The following COLEC12 variants were observed in gnomAD, a reference collection of about 807,000 sequenced individuals.
COLEC12 encodes collectin-12.
COLEC12 carries 33 observed loss-of-function variants against 71.1 expected under a neutral mutation model. The observed-to-expected ratio is 0.46, with a 90% CI of 0.35 to 0.62. COLEC12 has a LOEUF of 0.62. COLEC12 is among the 20% of genes least tolerant of loss of function. COLEC12 has a pLI of 0.00. For synonymous variants in COLEC12, 350 were observed against 353.0 expected (o/e 0.99, Z 0.10); for missense variants, 765 against 916.1 (o/e 0.84, Z 2.13).
intron 2 of COLEC12, among the ~76,000 whole-genome samples, chr18:409,570 C>G (rs993456992): frequency 2.7e-4 from 41 of 152,116 alleles, no homozygotes; most frequent in Non-Finnish European, 1.0e-4. Context: ...AGCAAGCATT[C>G]CTATAGAAAG....
intron 2 of COLEC12, among the ~76,000 whole-genome samples, chr18:430,525 C>T (rs1916283729): frequency 6.6e-6 from 1 of 151,898 alleles, no homozygotes; most frequent in Non-Finnish European, 1.5e-5. Flanking sequence ...TTTAAACTTC[C>T]AGTGAATAAA....
chr18:371,901 C>T (rs898192338), intron 2 of COLEC12, among the ~76,000 whole-genome samples: 17 of 152,150 alleles, frequency 1.1e-4, no homozygotes, highest in Admixed American at 6.5e-5. Context: ...CAGCAGTCAT[C>T]GGCACAGCAG....
intron 1 of COLEC12, among the ~76,000 whole-genome samples, chr18:488,136 C>T (rs568265331): frequency 1.3e-5 from 2 of 152,088 alleles, no homozygotes; most frequent in South Asian, 4.2e-4. Flanking sequence ...AAGGGCTGGG[C>T]ACGGTGGCTG....
intron 1 of COLEC12, among the ~76,000 whole-genome samples, chr18:499,025 T>G (rs1917767071): frequency 1.3e-5 from 2 of 152,198 alleles, no homozygotes; most frequent in African/African-American, 4.8e-5. Context: ...ACCACTGGTC[T>G]TAATGACCAG....
intron 2 of COLEC12, among the ~76,000 whole-genome samples, chr18:453,984 CCT>C (rs1916814134): frequency 6.6e-6 from 1 of 152,208 alleles, no homozygotes; most frequent in Admixed American, 6.5e-5. Context: ...GACACCATCA[CCT>C]CTGATTTAGT....
chr18:461,938 T>C (rs1276024206), intron 2 of COLEC12, among the ~76,000 whole-genome samples: 1 of 152,228 alleles, frequency 6.6e-6, no homozygotes, highest in Non-Finnish European at 1.5e-5. Flanking sequence ...GATGTACAGA[T>C]AATGAGATGG....
chr18:347,381 G>A, intron 4 of COLEC12, 40 bp from the exon 5 acceptor site: 1 of 1,555,170 alleles, frequency 6.4e-7, no homozygotes, highest in Non-Finnish European at 8.8e-7. Flanking sequence ...TGGTGGTATG[G>A]AGAAGTGTTC....
intron 2 of COLEC12, among the ~76,000 whole-genome samples, chr18:458,855 A>C (rs2143729446): frequency 6.6e-6 from 1 of 152,328 alleles, no homozygotes; most frequent in South Asian, 2.1e-4. Context: ...CTTCTTTTTG[A>C]GACAGGGTCT....
At chr18:401,112 G>C (rs1338781523) in intron 2 of COLEC12, among the ~76,000 whole-genome samples, 2 of 152,150 alleles carry the variant, frequency 1.3e-5, no homozygotes, top group Non-Finnish European at 2.9e-5. Flanking sequence ...AGAAGGCAAG[G>C]GTGGAGTGGA....
intron 1 of COLEC12, among the ~76,000 whole-genome samples, chr18:496,935 C>T (rs560652840): frequency 1.3e-5 from 2 of 152,222 alleles, no homozygotes; most frequent in African/African-American, 2.4e-5. Context: ...CAGATTCCTT[C>T]GTCAAGAATG....
chr18:500,695 C>T lies in COLEC12; in HGVS notation c.-181G>A. The T allele has an allele frequency of 4.4e-6, 1 of 227,738 alleles. No individual in the cohort carries two copies. Among genetic ancestry groups the T allele is most frequent in the Middle Eastern group, 1.9e-3 (1 of 522 alleles). The allele number at this position is 227,738 out of a possible 1,614,324, so 14.1% of individuals were successfully genotyped here. ...CGCTCCCCGCGCTCCCGGCTCCGCG[C>T]TCTGCTGCCTCGGGGCTGCCGCGCG... On this transcript the variant is annotated 5_prime_UTR_variant, in exon 1 of 10. Coordinates refer to ENST00000400256, the MANE Select transcript of COLEC12 (RefSeq NM_130386.3). The surrounding 1 kb of genome is among the most constrained non-coding windows in gnomAD (Gnocchi z 5.3).
rs1278087546 is a variant in COLEC12, at chr18:483,274, C to G, written c.8-2517G>C. 2.6e-5 allele frequency among the ~76,000 whole-genome samples: 4 copies of G among 152,088 alleles called. No individual in the cohort carries two copies. The South Asian group carries it at 6.2e-4, about 24-fold the overall frequency. The stretch of plus-strand genomic sequence containing the variant: ...AATTAGCCGGGCGTGGTGGCAGGTG[C>G]CTGTAATCCCCGCTACTTGGGAGGC... On this transcript the variant is annotated intron_variant, in intron 1 of 9. Coordinates refer to ENST00000400256, the MANE Select transcript of COLEC12 (RefSeq NM_130386.3).
At chr18:401,486 G>T (rs1567897014) in intron 2 of COLEC12, among the ~76,000 whole-genome samples, 1 of 151,750 alleles carries the variant, frequency 6.6e-6, no homozygotes, top group Non-Finnish European at 1.5e-5. Flanking sequence ...TACAGCCAAG[G>T]CTTCTCAGTT....
intron 8 of COLEC12, among the ~76,000 whole-genome samples, chr18:325,022 T>A (rs933408698): frequency 2.0e-5 from 3 of 151,656 alleles, no homozygotes; most frequent in Non-Finnish European, 4.4e-5. Flanking sequence ...GACCACCATC[T>A]CTATAAAAAA....
intron 1 of COLEC12, among the ~76,000 whole-genome samples, chr18:497,553 C>A (rs1437478296): frequency 2.0e-5 from 3 of 152,054 alleles, no homozygotes; most frequent in Non-Finnish European, 4.4e-5. Flanking sequence ...TACAGGCATG[C>A]GCCACCAGGC....
chr18:462,991 A>C (rs1917011973), intron 2 of COLEC12, among the ~76,000 whole-genome samples: 1 of 152,214 alleles, frequency 6.6e-6, no homozygotes. Flanking sequence ...CAACAATGGA[A>C]GAACAAGGTT....
At chr18:369,567 T>A (rs1281517506) in intron 2 of COLEC12, among the ~76,000 whole-genome samples, 1 of 152,046 alleles carries the variant, frequency 6.6e-6, no homozygotes, top group African/African-American at 2.4e-5. Context: ...TCATCTAGCA[T>A]TAGGTATATC....
chr18:398,689 T>TG (rs1287218738), intron 2 of COLEC12, among the ~76,000 whole-genome samples: 6 of 152,232 alleles, frequency 3.9e-5, no homozygotes, highest in African/African-American at 1.4e-4. Flanking sequence ...GCTTATAATG[T>TG]GGGACTATCT....
At chr18:439,752 T>C (rs1916477491) in intron 2 of COLEC12, among the ~76,000 whole-genome samples, 1 of 152,114 alleles carries the variant, frequency 6.6e-6, no homozygotes, top group Non-Finnish European at 1.5e-5. Context: ...AAATGCAATT[T>C]GGTGCAGTCA....
Sources: allele counts gnomAD v4.1 joint callset (sites outside exome capture counted in the v4.1 genomes callset), GRCh38; gene constraint gnomAD v4.1.1; non-coding constraint Gnocchi (gnomAD v3.1); transcripts MANE v1.5; gene names NCBI Gene and HGNC (gene_info 2026-07-23, HGNC 2026-07-21).